SPON1: variants seen among roughly 807,000 people sequenced by gnomAD.
SPON1 encodes the protein spondin 1.
SPON1 carries 52 observed loss-of-function variants against 111.7 expected under a neutral mutation model. The observed-to-expected ratio is 0.47, with a 90% CI of 0.37 to 0.59. SPON1 has a LOEUF of 0.59. SPON1 is among the 20% of genes least tolerant of loss of function. The pLI, the probability that SPON1 is intolerant of heterozygous loss-of-function variation, is 0.00. For missense variants in SPON1, 957 were observed against 1,068.5 expected, an observed-to-expected ratio of 0.90 and a Z score of 1.46; for synonymous variants, 410 against 395.8, an observed-to-expected ratio of 1.04 and a Z score of -0.43.
chr11:14,225,370 A>G (rs894447511), intron 6 of SPON1, among the ~76,000 whole-genome samples: 5 of 152,052 alleles, frequency 3.3e-5, no homozygotes, highest in African/African-American at 4.8e-5. Flanking sequence ...ATGTTTTTTT[A>G]AAAAAACAAA....
intron 2 of SPON1, among the ~76,000 whole-genome samples, chr11:14,006,103 G>A (rs919761800): frequency 6.8e-4 from 104 of 152,232 alleles, no homozygotes; most frequent in African/African-American, 2.2e-3. Flanking sequence ...GAGCAGTCTC[G>A]GCAGAGCATG....
intron 6 of SPON1, among the ~76,000 whole-genome samples, chr11:14,137,438 G>A (rs1388956545): frequency 1.3e-5 from 2 of 152,162 alleles, no homozygotes; most frequent in Non-Finnish European, 2.9e-5. Flanking sequence ...CCGCACATGG[G>A]AATGAACATA....
intron 2 of SPON1, among the ~76,000 whole-genome samples, chr11:14,008,279 G>T (rs1554913380): frequency 6.6e-6 from 1 of 152,130 alleles, no homozygotes; most frequent in African/African-American, 2.4e-5. Flanking sequence ...ATATTCACAG[G>T]ATGATGCTGG....
At chr11:14,069,784 T>C (rs1436881310) in intron 3 of SPON1, among the ~76,000 whole-genome samples, 21 of 152,042 alleles carry the variant, frequency 1.4e-4, no homozygotes, top group African/African-American at 4.8e-4. Context: ...GACCTCTGAA[T>C]CTATAGCTTT....
intron 7 of SPON1, among the ~76,000 whole-genome samples, chr11:14,253,906 T>C (rs1591428247): frequency 6.6e-6 from 1 of 152,334 alleles, no homozygotes; most frequent in African/African-American, 2.4e-5. Context: ...CTCTGAGTGG[T>C]TGCTGCCATG....
chr11:14,137,812 C>T (rs1554928288), intron 6 of SPON1, among the ~76,000 whole-genome samples: 1 of 152,198 alleles, frequency 6.6e-6, no homozygotes, highest in African/African-American at 2.4e-5. Context: ...AGCTGCCCCA[C>T]AGAGAAATTC....
intron 2 of SPON1, among the ~76,000 whole-genome samples, chr11:14,037,077 G>C (rs1404857455): frequency 6.6e-6 from 1 of 152,106 alleles, no homozygotes; most frequent in Admixed American, 6.5e-5. Context: ...ACTGGAGGGG[G>C]ATGAAGAGTT....
intron 6 of SPON1, among the ~76,000 whole-genome samples, chr11:14,220,499 T>C (rs1848670002): frequency 6.6e-6 from 1 of 152,226 alleles, no homozygotes; most frequent in South Asian, 2.1e-4. Flanking sequence ...TGGTTTTTCC[T>C]CCCAAATTTT....
At chr11:14,256,367 C>CTAA (rs143720263) in intron 9 of SPON1, among the ~76,000 whole-genome samples, 9,348 of 152,326 alleles carry the variant, frequency 0.061, 384 homozygotes, top group Non-Finnish European at 0.088. Flanking sequence ...CAATTGATTA[C>CTAA]TAATATCTGC....
chr11:14,130,495 C>T (rs1847516438), intron 5 of SPON1, among the ~76,000 whole-genome samples: 1 of 152,002 alleles, frequency 6.6e-6, no homozygotes, highest in African/African-American at 2.4e-5. Context: ...GTTATTCTGA[C>T]ATTGTGCTTA....
chr11:14,069,431 G>A (rs1554920655), intron 3 of SPON1, among the ~76,000 whole-genome samples: 1 of 152,034 alleles, frequency 6.6e-6, no homozygotes, highest in East Asian at 1.9e-4. Flanking sequence ...TATTTCCCAT[G>A]CCCCTTTCTC....
At chr11:14,160,539 A>ATATATATT (rs1847909414) in intron 6 of SPON1, among the ~76,000 whole-genome samples, 1 of 27,196 alleles carries the variant, frequency 3.7e-5, no homozygotes, top group African/African-American at 2.1e-4. Context: ...ATATATTTAT[A>ATATATATT]TATATATTTA....
chr11:14,170,889 G>A (rs548474546), intron 6 of SPON1, among the ~76,000 whole-genome samples: 43 of 152,170 alleles, frequency 2.8e-4, no homozygotes, highest in Admixed American at 2.4e-3. Context: ...TGCTGGATTC[G>A]GTTTGCCAGT....
At chr11:14,112,609 C>A (rs1317028456) in intron 5 of SPON1, among the ~76,000 whole-genome samples, 1 of 152,238 alleles carries the variant, frequency 6.6e-6, no homozygotes, top group African/African-American at 2.4e-5. Flanking sequence ...ATATACTTGG[C>A]AGCTATTATT....
intron 1 of SPON1, among the ~76,000 whole-genome samples, chr11:13,974,659 T>C (rs1554908908): frequency 5.9e-5 from 9 of 152,186 alleles, no homozygotes. Context: ...CAGGCCTTTG[T>C]TACTGATGTG....
chr11:14,213,579 T>TGAGCACTTTCTATGTACA (rs1347661452), intron 6 of SPON1, among the ~76,000 whole-genome samples: 6 of 152,224 alleles, frequency 3.9e-5, no homozygotes, highest in African/African-American at 1.2e-4. Context: ...CGATATTTAT[T>TGAGCACTTTCTATGTACA]GAGCACTTTC....
At chr11:14,111,158 C>CA (rs1564907610) in intron 5 of SPON1, among the ~76,000 whole-genome samples, 1 of 152,164 alleles carries the variant, frequency 6.6e-6, no homozygotes, top group African/African-American at 2.4e-5. Flanking sequence ...ATAAGGGCTG[C>CA]AAAAATCTCT....
chr11:14,121,359 T>C (rs1329971780), intron 5 of SPON1, among the ~76,000 whole-genome samples: 1 of 152,232 alleles, frequency 6.6e-6, no homozygotes, highest in African/African-American at 2.4e-5. Flanking sequence ...GTAATTTTCC[T>C]CTGAATGCCC....
intron 2 of SPON1, among the ~76,000 whole-genome samples, chr11:14,038,746 G>C (rs1225882345): frequency 1.3e-5 from 2 of 152,220 alleles, no homozygotes; most frequent in African/African-American, 4.8e-5. Flanking sequence ...TCTAATTGTT[G>C]CTGGTGGAAA....
Sources: allele counts gnomAD v4.1 joint callset (sites outside exome capture counted in the v4.1 genomes callset), GRCh38; gene constraint gnomAD v4.1.1; transcripts MANE v1.5; gene names NCBI Gene and HGNC (gene_info 2026-07-23, HGNC 2026-07-21).